Variants in LRP1B observed in about 807,000 individuals in gnomAD.
LRP1B encodes the protein LDL receptor related protein 1B, also known as low-density lipoprotein receptor-related protein 1B.
Under a neutral mutation model 556.6 loss-of-function variants are expected in LRP1B, and 217 were observed. The ratio of observed to expected loss-of-function variants is 0.39; its 90% confidence interval spans 0.35 to 0.44. The LOEUF is 0.44. LRP1B is among the 20% of genes least tolerant of loss of function. LRP1B has a pLI of 1.00. For synonymous variants in LRP1B, 2,047 were observed against 1,865.8 expected, an observed-to-expected ratio of 1.10 and a Z score of -2.50; for missense variants, 5,053 against 5,620.8, an observed-to-expected ratio of 0.90 and a Z score of 3.23.
In LRP1B at chr2:140,544,128, A is replaced by T. The variant is rs146227337; in HGVS notation, c.7195-2157T>A. Among the ~76,000 whole-genome samples the T allele has an allele frequency of 2.2e-3, 336 of 152,026 alleles. 3 individuals carry two copies. The highest frequency in any genetic ancestry group is 4.3e-3 in the Admixed American group (66 of 15,214). ...TAATAAAAACATTTATATTCCTTTAATAACTTTTAAGTTCAGGGGTATATG... is the reference window on the plus strand; with the variant it reads ...TAATAAAAACATTTATATTCCTTTATTAACTTTTAAGTTCAGGGGTATATG... On this transcript the variant is annotated intron_variant, in intron 43 of 90. Coordinates refer to ENST00000389484, the MANE Select transcript of LRP1B (RefSeq NM_018557.3).
chr2:141,997,668 T>C (rs982587407), intron 1 of LRP1B, among the ~76,000 whole-genome samples: 2 of 145,210 alleles, frequency 1.4e-5, no homozygotes, highest in South Asian at 2.2e-4. Context: ...TATATATATA[T>C]AGCCTTTATG....
rs150050635 is a variant in LRP1B, at chr2:141,403,146, G to A, written c.343+77250C>T. 3.2e-4 allele frequency among the ~76,000 whole-genome samples: 49 copies of A among 152,096 alleles called. No individual in the cohort carries two copies. In the East Asian group the frequency reaches 8.7e-3, roughly 27 times the overall value. ...TCAAGGCCCACTATGAAGAACCTGT[G>A]TTAAAACTCAAAAAATAAGCTACTG... On this transcript the variant is annotated intron_variant, in intron 3 of 90. Transcript: ENST00000389484.
intron 2 of LRP1B, among the ~76,000 whole-genome samples, chr2:141,730,456 A>C (rs1693228407): frequency 6.6e-6 from 1 of 152,130 alleles, no homozygotes; most frequent in East Asian, 1.9e-4. Flanking sequence ...AACTACTGGA[A>C]AATGCTACTT....
At chr2:140,318,297 GTGT>G (rs1459684194) in intron 82 of LRP1B, among the ~76,000 whole-genome samples, 4 of 152,176 alleles carry the variant, frequency 2.6e-5, no homozygotes, top group Non-Finnish European at 2.9e-5. Context: ...GCTAATTTGA[GTGT>G]TGTTATCACT....
chr2:141,676,599 A>T (rs918471217), intron 2 of LRP1B, among the ~76,000 whole-genome samples: 3 of 152,128 alleles, frequency 2.0e-5, no homozygotes, highest in African/African-American at 7.2e-5. Context: ...CTTGGAGCAC[A>T]TTGATTTTTC....
chr2:141,914,922 C>T (rs1280470143), intron 1 of LRP1B, among the ~76,000 whole-genome samples: 1 of 152,174 alleles, frequency 6.6e-6, no homozygotes, highest in Non-Finnish European at 1.5e-5. Context: ...AATGGCCATA[C>T]TACCCAAAGT....
At chr2:141,776,519 A>G (rs1422892717) in intron 2 of LRP1B, among the ~76,000 whole-genome samples, 3 of 152,188 alleles carry the variant, frequency 2.0e-5, no homozygotes, top group African/African-American at 7.2e-5. Context: ...TAGAGGAAAT[A>G]TCACCCTTTT....
At chr2:140,894,433 A>G (rs1222422680) in intron 23 of LRP1B, among the ~76,000 whole-genome samples, 3 of 152,136 alleles carry the variant, frequency 2.0e-5, no homozygotes, top group Non-Finnish European at 4.4e-5. Context: ...ATCTGAATCC[A>G]AGAAACACTG....
chr2:141,697,572 A>C (rs1691774269), intron 2 of LRP1B, among the ~76,000 whole-genome samples: 1 of 152,014 alleles, frequency 6.6e-6, no homozygotes, highest in Non-Finnish European at 1.5e-5. Context: ...ACAATCAATT[A>C]GGATGTTTTC....
chr2:141,503,803 C>A (rs956247648), intron 2 of LRP1B, among the ~76,000 whole-genome samples: 1 of 152,070 alleles, frequency 6.6e-6, no homozygotes, highest in Non-Finnish European at 1.5e-5. Context: ...TATGTTAAGG[C>A]ACTCTTGTTT....
chr2:141,971,991 A>G (rs1440128744), intron 1 of LRP1B, among the ~76,000 whole-genome samples: 2 of 151,496 alleles, frequency 1.3e-5, no homozygotes, highest in Non-Finnish European at 3.0e-5. Context: ...TTCTCATACC[A>G]TCACCATAAG....
chr2:141,082,853 A>G (rs1344575760), intron 7 of LRP1B, among the ~76,000 whole-genome samples: 1 of 152,164 alleles, frequency 6.6e-6, no homozygotes. Flanking sequence ...ACCAGGCACA[A>G]CTCATTGTGA....
intron 83 of LRP1B, among the ~76,000 whole-genome samples, chr2:140,302,170 T>A (rs1683859140): frequency 6.6e-6 from 1 of 152,154 alleles, no homozygotes; most frequent in South Asian, 2.1e-4. Context: ...TCTCAAAAAG[T>A]GTTCTTCCAA....
In LRP1B at chr2:141,822,911, T is replaced by C. The variant is rs1465010260; in HGVS notation, c.83-12510A>G. Among the ~76,000 whole-genome samples, 3 of 152,050 alleles carry C rather than the reference T, an allele frequency of 2.0e-5. No individual in the cohort carries two copies. In the East Asian group the frequency reaches 5.8e-4, roughly 29 times the overall value. On this transcript the variant is annotated intron_variant, in intron 1 of 90. Transcript: ENST00000389484. ...AACGTGAGGTAGGTGCTAATATAGG[T>C]GCATCTGGAGTGCTGCTGGAAGAGC...
intron 1 of LRP1B, among the ~76,000 whole-genome samples, chr2:141,866,732 AAAAG>A (rs1279476054): frequency 6.6e-6 from 1 of 152,008 alleles, no homozygotes; most frequent in East Asian, 1.9e-4. Flanking sequence ...AGAGGGAAAG[AAAAG>A]AAAGAAGGAG....
chr2:141,051,204 T>A (rs1362552119), intron 10 of LRP1B, among the ~76,000 whole-genome samples: 3 of 152,150 alleles, frequency 2.0e-5, no homozygotes, highest in Non-Finnish European at 4.4e-5. Flanking sequence ...TCAACCATTC[T>A]GGAAGACAGT....
At position 141,171,026 on chromosome 2, in the gene LRP1B, A is replaced by AT. The variant is rs540264174; in HGVS notation, c.1013+17394dup. 1.3e-4 allele frequency among the ~76,000 whole-genome samples: 20 copies of AT among 152,078 alleles called. No individual in the cohort carries two copies. The East Asian group carries it at 3.3e-3, about 25-fold the overall frequency. On this transcript the variant is annotated intron_variant, in intron 7 of 90. Coordinates refer to ENST00000389484, the MANE Select transcript of LRP1B (RefSeq NM_018557.3). Reference sequence around the variant, plus strand: ...TAAATAAATAAAACTAGTAGGCTTTATTTTTTATGGCAGTTTTATGTTTAT... The same window carrying AT: ...TAAATAAATAAAACTAGTAGGCTTTATTTTTTTATGGCAGTTTTATGTTTAT...
intron 27 of LRP1B, among the ~76,000 whole-genome samples, chr2:140,854,220 T>C (rs768834568): frequency 1.6e-4 from 24 of 152,134 alleles, no homozygotes; most frequent in Non-Finnish European, 2.8e-4. Flanking sequence ...TAATGGTAGG[T>C]ACTTGAATTT....
intron 2 of LRP1B, among the ~76,000 whole-genome samples, chr2:141,615,169 G>A (rs1431342731): frequency 6.6e-6 from 1 of 152,212 alleles, no homozygotes; most frequent in Non-Finnish European, 1.5e-5. Context: ...CTTTGGAGAG[G>A]AAGGTAAATC....
Sources: gnomAD v4.1 joint callset for allele counts (sites outside exome capture counted in the v4.1 genomes callset) on GRCh38, gnomAD v4.1.1 for gene constraint, MANE v1.5 for transcripts, NCBI Gene and HGNC (gene_info 2026-07-23, HGNC 2026-07-21) for gene names.